Variants in STMN2 observed in about 807,000 individuals in gnomAD.
The protein encoded by STMN2 is stathmin 2.
In STMN2, 2 loss-of-function variants were observed where a neutral mutation model predicts 24.1. That is an observed-to-expected ratio of 0.08 (90% CI 0.03 to 0.26). STMN2 has a LOEUF of 0.26. Ranked by LOEUF, STMN2 falls within the 10% of genes least tolerant of loss-of-function variation. The probability of loss-of-function intolerance (pLI) is 1.00; values close to 1 mark genes in which losing one functional copy is unlikely to be tolerated. For missense variants in STMN2, 114 were observed against 213.6 expected (o/e 0.53, Z 2.91); for synonymous variants, 83 against 77.5 (o/e 1.07, Z -0.37).
At chr8:79,624,474 A>G (rs148532966) in intron 1 of STMN2, among the ~76,000 whole-genome samples, 195 of 118,328 alleles carry the variant, frequency 1.6e-3, no homozygotes, top group African/African-American at 4.6e-3. Flanking sequence ...AAAAAAAAAA[A>G]AAAAGAAAGA....
intron 3 of STMN2, among the ~76,000 whole-genome samples, chr8:79,644,066 G>A (rs1810167172): frequency 6.6e-6 from 1 of 151,968 alleles, no homozygotes; most frequent in African/African-American, 2.4e-5. Context: ...ATTCTATTGG[G>A]TTATACTGAC....
chr8:79,635,829 C>A (rs566985059), intron 1 of STMN2, among the ~76,000 whole-genome samples: 6 of 151,974 alleles, frequency 3.9e-5, no homozygotes, highest in Non-Finnish European at 7.4e-5. Flanking sequence ...GGGATTTACA[C>A]CCCAAACATC....
chr8:79,625,055 T>C (rs1809619366), intron 1 of STMN2, among the ~76,000 whole-genome samples: 1 of 152,224 alleles, frequency 6.6e-6, no homozygotes, highest in African/African-American at 2.4e-5. Context: ...CCATGGAAAG[T>C]TGAGTGACTT....
intron 3 of STMN2, among the ~76,000 whole-genome samples, chr8:79,644,092 T>A (rs1424003989): frequency 6.6e-6 from 1 of 152,202 alleles, no homozygotes; most frequent in Non-Finnish European, 1.5e-5. Flanking sequence ...TAGCACTAAT[T>A]TAAAGAACTA....
chr8:79,643,962 A>T (rs1810164833), intron 3 of STMN2, among the ~76,000 whole-genome samples: 2 of 147,412 alleles, frequency 1.4e-5, no homozygotes, highest in South Asian at 4.3e-4. Flanking sequence ...TTAGTTTTTT[A>T]TGGTTTTTTT....
intron 1 of STMN2, among the ~76,000 whole-genome samples, chr8:79,630,165 C>T (rs1809765520): frequency 6.6e-6 from 1 of 152,172 alleles, no homozygotes; most frequent in African/African-American, 2.4e-5. Flanking sequence ...AGCTCTAGGA[C>T]TCCCTTTGAG....
intron 1 of STMN2, among the ~76,000 whole-genome samples, chr8:79,634,008 C>T (rs1366725067): frequency 1.3e-5 from 2 of 152,140 alleles, no homozygotes; most frequent in Non-Finnish European, 2.9e-5. Context: ...TCTGTTACTA[C>T]TTTGTGAGAT....
intron 4 of STMN2, among the ~76,000 whole-genome samples, chr8:79,661,475 T>G (rs532000882): frequency 6.6e-6 from 1 of 152,292 alleles, no homozygotes; most frequent in Admixed American, 6.5e-5. Context: ...GTGATTCTGA[T>G]GCACAAATAT....
At chr8:79,611,336 G>T in intron 1 of STMN2, 122 bp downstream of exon 1, 1 of 1,322,990 alleles carries the variant, frequency 7.6e-7, no homozygotes, top group South Asian at 1.3e-5. Context: ...GGTAACACAG[G>T]ACCAGGAAGG....
At chr8:79,662,824 C>T (rs1806528971) in intron 4 of STMN2, among the ~76,000 whole-genome samples, 1 of 152,072 alleles carries the variant, frequency 6.6e-6, no homozygotes, top group Non-Finnish European at 1.5e-5. Context: ...AGACTTGAGG[C>T]TTCTTTTTCC....
chr8:79,648,555 C>A (rs998235424), intron 3 of STMN2, among the ~76,000 whole-genome samples: 18 of 151,036 alleles, frequency 1.2e-4, no homozygotes, highest in Non-Finnish European at 2.4e-4. Flanking sequence ...CTCCACCTCC[C>A]AGGTTCAAGC....
intron 4 of STMN2, among the ~76,000 whole-genome samples, chr8:79,655,294 G>T (rs1806317578): frequency 6.6e-6 from 1 of 152,098 alleles, no homozygotes; most frequent in Non-Finnish European, 1.5e-5. Flanking sequence ...TTCCCATGGT[G>T]AGTGGATTCA....
intron 1 of STMN2, among the ~76,000 whole-genome samples, chr8:79,614,531 C>G (rs558085900): frequency 6.6e-6 from 1 of 152,242 alleles, no homozygotes; most frequent in East Asian, 1.9e-4. Context: ...TAAACACTCT[C>G]TGTCCCAGTG....
At position 79,637,023 on chromosome 8, in the gene STMN2, G is replaced by A. The variant is rs181623495; in HGVS notation, c.115+126G>A. 7.5e-4 allele frequency: 637 copies of A among 852,078 alleles called. 6 individuals are homozygous for A. In the East Asian group the frequency reaches 9.8e-3, roughly 13 times the overall value. The allele number at this position is 852,078 out of a possible 1,614,324, so 52.8% of individuals were successfully genotyped here. On this transcript the variant is annotated intron_variant, in intron 2 of 4. Transcript: ENST00000220876. ...TTGTAGCTCTCACTATTGACTTGCCGTGTCTAGCTATTATGTCCAATTGAT... is the reference window on the plus strand; with the variant it reads ...TTGTAGCTCTCACTATTGACTTGCCATGTCTAGCTATTATGTCCAATTGAT...
At chr8:79,622,853 A>G (rs1219080478) in intron 1 of STMN2, among the ~76,000 whole-genome samples, 2 of 152,172 alleles carry the variant, frequency 1.3e-5, no homozygotes, top group African/African-American at 4.8e-5. Flanking sequence ...ACACACGTAC[A>G]CGCACGCATG....
intron 3 of STMN2, among the ~76,000 whole-genome samples, chr8:79,648,276 G>A (rs1234010954): frequency 6.6e-6 from 1 of 152,088 alleles, no homozygotes; most frequent in East Asian, 1.9e-4. Context: ...TGTGAGAATT[G>A]GAAGGTTACT....
chr8:79,622,210 T>C (rs1330266937), intron 1 of STMN2, among the ~76,000 whole-genome samples: 1 of 152,150 alleles, frequency 6.6e-6, no homozygotes, highest in East Asian at 1.9e-4. Context: ...TATATTATAA[T>C]TTTCTCAGTT....
At chr8:79,628,757 A>G (rs1201995267) in intron 1 of STMN2, among the ~76,000 whole-genome samples, 1 of 152,042 alleles carries the variant, frequency 6.6e-6, no homozygotes, top group Non-Finnish European at 1.5e-5. Context: ...AGGAGCTTTC[A>G]TTTCAAAATA....
intron 4 of STMN2, among the ~76,000 whole-genome samples, chr8:79,657,395 C>T (rs948425393): frequency 7.9e-5 from 12 of 152,282 alleles, no homozygotes; most frequent in African/African-American, 2.6e-4. Flanking sequence ...CATCTGCACA[C>T]CACTTTTCCT....
Sources: allele counts gnomAD v4.1 joint callset (sites outside exome capture counted in the v4.1 genomes callset), GRCh38; gene constraint gnomAD v4.1.1; transcripts MANE v1.5; gene names NCBI Gene and HGNC (gene_info 2026-07-23, HGNC 2026-07-21).